CNTNAP2: variants seen among roughly 807,000 people sequenced by gnomAD.
CNTNAP2 encodes the protein contactin associated protein 2, also known as contactin-associated protein-like 2.
In CNTNAP2, 98 loss-of-function variants were observed where a neutral mutation model predicts 155.2. The observed-to-expected ratio is 0.63, with a 90% CI of 0.54 to 0.75. The LOEUF is 0.75. CNTNAP2 is among the 30% of genes least tolerant of loss of function. The pLI is 0.00. For synonymous variants in CNTNAP2, 651 were observed against 631.2 expected, an observed-to-expected ratio of 1.03 and a Z score of -0.47; for missense variants, 1,727 against 1,688.1, an observed-to-expected ratio of 1.02 and a Z score of -0.40.
intron 8 of CNTNAP2, among the ~76,000 whole-genome samples, chr7:147,269,309 C>CA (rs1178326030): frequency 1.3e-5 from 2 of 151,968 alleles, no homozygotes; most frequent in Non-Finnish European, 2.9e-5. Flanking sequence ...TTTCTAATTG[C>CA]AAAAAACAAA....
At chr7:148,018,655 A>C (rs1404759538) in intron 15 of CNTNAP2, among the ~76,000 whole-genome samples, 1 of 152,178 alleles carries the variant, frequency 6.6e-6, no homozygotes, top group Non-Finnish European at 1.5e-5. Flanking sequence ...AGCAAAAGTG[A>C]CCGGGATCAA....
chr7:146,744,053 T>A (rs1801766633), intron 1 of CNTNAP2, among the ~76,000 whole-genome samples: 1 of 151,532 alleles, frequency 6.6e-6, no homozygotes, highest in Non-Finnish European at 1.5e-5. Flanking sequence ...ATGGTGAAAC[T>A]CTGTCGCTAC....
At position 147,970,456 on chromosome 7, in the gene CNTNAP2, G is replaced by A. The variant is rs552245588; in HGVS notation, c.2256-7406G>A. Reference sequence around the variant, plus strand: ...GGAGAAAAGAGAGGCTGGGCTCAGTGGCTCATGCCTATAATCCCAGCACTT... The same window carrying A: ...GGAGAAAAGAGAGGCTGGGCTCAGTAGCTCATGCCTATAATCCCAGCACTT... On this transcript the variant is annotated intron_variant, in intron 14 of 23. Coordinates refer to ENST00000361727, the MANE Select transcript of CNTNAP2 (RefSeq NM_014141.6). Among the ~76,000 whole-genome samples, 7 of 152,286 alleles carry A rather than the reference G, an allele frequency of 4.6e-5. No homozygotes were observed. The East Asian group carries it at 1.4e-3, about 29-fold the overall frequency.
chr7:147,419,772 T>A (rs556030392), intron 10 of CNTNAP2, among the ~76,000 whole-genome samples: 1 of 152,340 alleles, frequency 6.6e-6, no homozygotes. Flanking sequence ...ATAATTCTTC[T>A]TGATCTGGTC....
chr7:147,418,706 G>A (rs1249174936), intron 10 of CNTNAP2, among the ~76,000 whole-genome samples: 2 of 152,182 alleles, frequency 1.3e-5, no homozygotes, highest in Non-Finnish European at 2.9e-5. Flanking sequence ...ACTGGCAAAT[G>A]GGCTTATCCC....
At chr7:146,301,616 A>ACTC (rs1800611981) in intron 1 of CNTNAP2, among the ~76,000 whole-genome samples, 1 of 151,940 alleles carries the variant, frequency 6.6e-6, no homozygotes, top group South Asian at 2.1e-4. Context: ...ACAGAGTGAG[A>ACTC]CTCTGTCTCA....
At chr7:146,503,667 C>T (rs1240849651) in intron 1 of CNTNAP2, among the ~76,000 whole-genome samples, 1 of 152,188 alleles carries the variant, frequency 6.6e-6, no homozygotes, top group Non-Finnish European at 1.5e-5. Context: ...ATCCAATTTT[C>T]CCATCACCAC....
At chr7:148,194,365 T>C (rs1223748387) in intron 18 of CNTNAP2, among the ~76,000 whole-genome samples, 4 of 152,096 alleles carry the variant, frequency 2.6e-5, no homozygotes, top group Non-Finnish European at 5.9e-5. Context: ...GCATTTGCCA[T>C]TTAGTAACAA....
chr7:146,761,450 T>C (rs1311122122), intron 1 of CNTNAP2, among the ~76,000 whole-genome samples: 1 of 152,146 alleles, frequency 6.6e-6, no homozygotes, highest in African/African-American at 2.4e-5. Context: ...CATGATCATT[T>C]ATCCAAGAGA....
At chr7:147,189,751 G>GTTC (rs1802641042) in intron 8 of CNTNAP2, among the ~76,000 whole-genome samples, 1 of 151,332 alleles carries the variant, frequency 6.6e-6, no homozygotes, top group Admixed American at 6.6e-5. Flanking sequence ...ACTTTTTTTT[G>GTTC]TTGTTGTTGT....
intron 1 of CNTNAP2, among the ~76,000 whole-genome samples, chr7:146,679,591 A>G (rs930164049): frequency 1.3e-5 from 2 of 151,830 alleles, no homozygotes; most frequent in African/African-American, 4.8e-5. Flanking sequence ...GCCTGACCTC[A>G]TGATCCGCCT....
chr7:147,295,169 A>G (rs13239404), intron 8 of CNTNAP2, among the ~76,000 whole-genome samples: 28,398 of 152,002 alleles, frequency 0.19, 2,939 homozygotes, highest in Non-Finnish European at 0.22. Context: ...CTGATGCTGT[A>G]TGAGATATGG....
At chr7:146,991,865 A>T (rs1798214212) in intron 3 of CNTNAP2, among the ~76,000 whole-genome samples, 1 of 152,196 alleles carries the variant, frequency 6.6e-6, no homozygotes, top group Non-Finnish European at 1.5e-5. Context: ...ATAAGTGATT[A>T]TGCATTGCTG....
At chr7:146,644,233 C>T (rs531231373) in intron 1 of CNTNAP2, among the ~76,000 whole-genome samples, 8 of 152,008 alleles carry the variant, frequency 5.3e-5, no homozygotes, top group East Asian at 3.9e-4. Context: ...GTCTTGTGCC[C>T]GTTTTCAAAG....
At chr7:147,511,138 G>T (rs1369862584) in intron 11 of CNTNAP2, among the ~76,000 whole-genome samples, 1 of 151,902 alleles carries the variant, frequency 6.6e-6, no homozygotes, top group African/African-American at 2.4e-5. Flanking sequence ...AGCCAAGTAA[G>T]AATTAAGCTA....
intron 3 of CNTNAP2, among the ~76,000 whole-genome samples, chr7:146,970,241 A>T (rs1270358014): frequency 6.6e-6 from 1 of 152,214 alleles, no homozygotes; most frequent in East Asian, 1.9e-4. Context: ...GCTTCTGCAC[A>T]GCAAAAGAAA....
At chr7:146,961,892 C>T (rs759226430) in intron 3 of CNTNAP2, among the ~76,000 whole-genome samples, 12 of 152,114 alleles carry the variant, frequency 7.9e-5, no homozygotes, top group South Asian at 2.1e-4. Context: ...CCAGGGATTA[C>T]GGTCTCTGAA....
At chr7:147,268,181 C>T (rs924420342) in intron 8 of CNTNAP2, among the ~76,000 whole-genome samples, 1 of 152,160 alleles carries the variant, frequency 6.6e-6, no homozygotes, top group African/African-American at 2.4e-5. Context: ...CATTTGTAGA[C>T]ATTTATTAAA....
chr7:146,400,564 T>C (rs1475086657), intron 1 of CNTNAP2, among the ~76,000 whole-genome samples: 1 of 152,220 alleles, frequency 6.6e-6, no homozygotes, highest in Admixed American at 6.5e-5. Flanking sequence ...GAAAGGAGAT[T>C]TCTATTTTTG....
Sources: gnomAD v4.1 joint callset for allele counts (sites outside exome capture counted in the v4.1 genomes callset) on GRCh38, gnomAD v4.1.1 for gene constraint, MANE v1.5 for transcripts, NCBI Gene and HGNC (gene_info 2026-07-23, HGNC 2026-07-21) for gene names.